GPR39: variants seen among roughly 807,000 people sequenced by gnomAD.
GPR39 encodes the protein zinc sensing receptor.
A neutral mutation model predicts 18.4 loss-of-function variants in GPR39; 23 were observed. That is an observed-to-expected ratio of 1.25 (90% CI 0.90 to 1.77). The LOEUF (loss-of-function observed/expected upper bound fraction) is 1.77, where lower values mean the gene tolerates loss of function less well. GPR39 is among the 40% of genes most tolerant of loss of function. The pLI, the probability that GPR39 is intolerant of heterozygous loss-of-function variation, is 0.00. For synonymous variants in GPR39, 280 were observed against 257.9 expected, an observed-to-expected ratio of 1.09 and a Z score of -0.82; for missense variants, 647 against 602.4, an observed-to-expected ratio of 1.07 and a Z score of -0.78.
chr2:132,515,624 T>C (rs1490411140), intron 1 of GPR39, among the ~76,000 whole-genome samples: 1 of 152,174 alleles, frequency 6.6e-6, no homozygotes, highest in Admixed American at 6.5e-5. Flanking sequence ...CTGCTTCTTC[T>C]CTCCTGAAGT....
At chr2:132,508,403 G>C (rs946539147) in intron 1 of GPR39, among the ~76,000 whole-genome samples, 2 of 152,062 alleles carry the variant, frequency 1.3e-5, no homozygotes, top group African/African-American at 2.4e-5. Context: ...AAGGAACATA[G>C]ACTTCTGTTT....
At chr2:132,598,452 T>TTTTTTTTTTTA (rs61327558) in intron 1 of GPR39, among the ~76,000 whole-genome samples, 1 of 140,814 alleles carries the variant, frequency 7.1e-6, no homozygotes, top group African/African-American at 2.6e-5. Context: ...TTTTTTTTTT[T>TTTTTTTTTTTA]AAGCAATGGG....
chr2:132,645,146 T>A lies in GPR39; in HGVS notation c.902T>A (p.Ile301Asn), dbSNP rs1681985626. The A allele has an allele frequency of 1.2e-6, 2 of 1,614,030 alleles. No homozygotes were observed. Among genetic ancestry groups the A allele is most frequent in the African/African-American group, 1.3e-5 (1 of 74,928 alleles). Residue 301 changes from isoleucine to asparagine, a missense_variant, in exon 2 of 2, where the codon ATT becomes AAT. Transcript: ENST00000329321. Reference sequence around the variant, plus strand: ...GCCGTATGCTGGATGCCCAACCAGATTCGGAGGATCATGGCTGCGGCCAAA... The same window carrying A: ...GCCGTATGCTGGATGCCCAACCAGAATCGGAGGATCATGGCTGCGGCCAAA... ...TLAVCWMPNQ[I>N]RRIMAAAKPK... is the part of the protein sequence containing the mutation.
At chr2:132,493,271 AT>A (rs1459545050) in intron 1 of GPR39, among the ~76,000 whole-genome samples, 8 of 145,066 alleles carry the variant, frequency 5.5e-5, no homozygotes, top group African/African-American at 2.0e-4. Context: ...TATACCATAT[AT>A]GTATACCATA....
At chr2:132,464,604 A>G (rs562024307) in intron 1 of GPR39, among the ~76,000 whole-genome samples, 78 of 152,294 alleles carry the variant, frequency 5.1e-4, no homozygotes, top group African/African-American at 1.7e-3. Context: ...ATGCTGCTGC[A>G]GTTTGTTGCT....
chr2:132,584,012 C>T (rs1680676948), intron 1 of GPR39, among the ~76,000 whole-genome samples: 1 of 151,930 alleles, frequency 6.6e-6, no homozygotes, highest in African/African-American at 2.4e-5. Flanking sequence ...TAGACCACAC[C>T]TTTCTAGGGA....
chr2:132,626,455 TG>T (rs1681547043), intron 1 of GPR39, among the ~76,000 whole-genome samples: 1 of 152,202 alleles, frequency 6.6e-6, no homozygotes, highest in African/African-American at 2.4e-5. Context: ...CTTCCATCCC[TG>T]AGTTCTACAT....
chr2:132,423,369 T>C, intron 1 of GPR39, among the ~76,000 whole-genome samples: 1 of 152,184 alleles, frequency 6.6e-6, no homozygotes, highest in Non-Finnish European at 1.5e-5. Context: ...CCCTTACAAC[T>C]TTATTTTACC....
At chr2:132,550,040 C>T (rs150401453) in intron 1 of GPR39, among the ~76,000 whole-genome samples, 139 of 152,214 alleles carry the variant, frequency 9.1e-4, no homozygotes, top group African/African-American at 3.2e-3. Context: ...GAAAGCCCAC[C>T]GAATTATTCA....
At chr2:132,487,029 A>G (rs1446565608) in intron 1 of GPR39, among the ~76,000 whole-genome samples, 2 of 152,168 alleles carry the variant, frequency 1.3e-5, no homozygotes, top group Non-Finnish European at 2.9e-5. Context: ...TTGTAGCATT[A>G]TTGATTGGCC....
At chr2:132,462,675 TAG>T (rs946408728) in intron 1 of GPR39, among the ~76,000 whole-genome samples, 6 of 152,204 alleles carry the variant, frequency 3.9e-5, no homozygotes, top group African/African-American at 1.4e-4. Context: ...TCTAATAGTA[TAG>T]AGTTTAAAGT....
intron 1 of GPR39, among the ~76,000 whole-genome samples, chr2:132,556,408 T>C (rs1278060625): frequency 3.3e-5 from 5 of 152,198 alleles, no homozygotes; most frequent in Admixed American, 2.0e-4. Context: ...CAAAAATTCC[T>C]ATTTCACAGT....
intron 1 of GPR39, among the ~76,000 whole-genome samples, chr2:132,495,609 G>A (rs1271155607): frequency 6.6e-6 from 1 of 152,162 alleles, no homozygotes. Context: ...AAGGTGCACA[G>A]AGCATCCCTT....
chr2:132,521,911 C>T (rs1679433047), intron 1 of GPR39, among the ~76,000 whole-genome samples: 1 of 152,226 alleles, frequency 6.6e-6, no homozygotes. Flanking sequence ...CCCCCAACCC[C>T]TCCAATAATT....
intron 1 of GPR39, among the ~76,000 whole-genome samples, chr2:132,511,524 G>A (rs1047660955): frequency 2.6e-5 from 4 of 152,150 alleles, no homozygotes; most frequent in Admixed American, 2.0e-4. Context: ...TGGTAAGATC[G>A]TATGTTAGTG....
At chr2:132,424,529 G>A (rs557697610) in intron 1 of GPR39, among the ~76,000 whole-genome samples, 1 of 152,278 alleles carries the variant, frequency 6.6e-6, no homozygotes, top group South Asian at 2.1e-4. Context: ...TTAAAAGCCA[G>A]ACTTTGTGAA....
chr2:132,604,497 A>G (rs1004229177), intron 1 of GPR39: 6 of 152,230 alleles, frequency 3.9e-5, no homozygotes, highest in Non-Finnish European at 7.3e-5. Context: ...GAAGGATCCA[A>G]TTAAACACAG....
At chr2:132,537,605 G>T (rs1191387653) in intron 1 of GPR39, among the ~76,000 whole-genome samples, 3 of 151,570 alleles carry the variant, frequency 2.0e-5, no homozygotes, top group Non-Finnish European at 4.4e-5. Context: ...GCTAGCTTGG[G>T]GAAGTTCTCC....
intron 1 of GPR39, among the ~76,000 whole-genome samples, chr2:132,575,082 C>T (rs1486638737): frequency 6.6e-6 from 1 of 151,922 alleles, no homozygotes; most frequent in Non-Finnish European, 1.5e-5. Flanking sequence ...TATTTGTAAT[C>T]TTCAACTTTC....
Sources: allele counts gnomAD v4.1 joint callset (sites outside exome capture counted in the v4.1 genomes callset), GRCh38; gene constraint gnomAD v4.1.1; transcripts MANE v1.5; gene names NCBI Gene and HGNC (gene_info 2026-07-23, HGNC 2026-07-21).